Variants in ATP9A observed in about 807,000 individuals in gnomAD.
ATP9A encodes the protein probable phospholipid-transporting ATPase IIA.
ATP9A carries 52 observed loss-of-function variants against 144.1 expected under a neutral mutation model. The observed-to-expected ratio is 0.36, with a 90% CI of 0.29 to 0.45. The LOEUF is 0.45. Ranked by LOEUF, ATP9A falls within the 20% of genes least tolerant of loss-of-function variation. ATP9A has a pLI of 1.00. For missense variants in ATP9A, 947 were observed against 1,392.7 expected, an observed-to-expected ratio of 0.68 and a Z score of 5.09; for synonymous variants, 582 against 557.4, an observed-to-expected ratio of 1.04 and a Z score of -0.62.
At chr20:51,734,289 G>C (rs2077754289) in intron 1 of ATP9A, among the ~76,000 whole-genome samples, 1 of 151,990 alleles carries the variant, frequency 6.6e-6, no homozygotes, top group Non-Finnish European at 1.5e-5. Context: ...AGCCCCTCCT[G>C]CCTCTTTTAT....
Position 51,645,204 on chromosome 20 carries a change from C to G in ATP9A, c.1507-5700G>C, listed in dbSNP as rs188752001. 1.9e-3 allele frequency among the ~76,000 whole-genome samples: 292 copies of G among 152,314 alleles called. 3 individuals carry two copies. Among genetic ancestry groups the G allele is most frequent in the African/African-American group, 6.6e-3 (276 of 41,578 alleles). The stretch of plus-strand genomic sequence containing the variant: ...CTATATCTGTAGCCCTTCCCCACCC[C>G]TGGGATCCACCATCCTAATCAAAAC... On this transcript the variant is annotated intron_variant, in intron 14 of 27. Coordinates refer to ENST00000338821, the MANE Select transcript of ATP9A (RefSeq NM_006045.3).
At chr20:51,635,802 G>GAGGAAGGAAGGAAGGAAGGAAGGA (rs1555830936) in intron 15 of ATP9A, among the ~76,000 whole-genome samples, 468 of 46,680 alleles carry the variant, frequency 0.01, 14 homozygotes, top group African/African-American at 0.021. Flanking sequence ...AGGAGGGGAG[G>GAGGAAGGAAGGAAGGAAGGAAGGA]AGGAAGGAAG....
chr20:51,710,620 C>T (rs965152976), intron 4 of ATP9A, among the ~76,000 whole-genome samples: 1 of 152,156 alleles, frequency 6.6e-6, no homozygotes, highest in African/African-American at 2.4e-5. Flanking sequence ...CAAACTGCAG[C>T]GCTAGGGTCT....
chr20:51,660,570 T>C (rs928559986), intron 13 of ATP9A, among the ~76,000 whole-genome samples: 5 of 152,246 alleles, frequency 3.3e-5, no homozygotes, highest in African/African-American at 1.2e-4. Flanking sequence ...AATTAATACT[T>C]TCCCACCTTT....
intron 14 of ATP9A, among the ~76,000 whole-genome samples, chr20:51,641,731 T>C (rs2077320033): frequency 6.8e-6 from 1 of 147,362 alleles, no homozygotes. Flanking sequence ...CCAGGGAGGC[T>C]GAGGCAGGAG....
intron 1 of ATP9A, among the ~76,000 whole-genome samples, chr20:51,744,199 T>A (rs574479001): frequency 6.6e-6 from 1 of 152,252 alleles, no homozygotes; most frequent in East Asian, 1.9e-4. Context: ...AGGGTCTCAC[T>A]CTGTCACCCA....
Position 51,685,988 on chromosome 20 carries a change from T to C in ATP9A, c.799+3076A>G, listed in dbSNP as rs1205077186. Among the ~76,000 whole-genome samples the C allele has an allele frequency of 5.9e-5, 9 of 152,314 alleles. No individual in the cohort carries two copies. The East Asian group carries it at 1.7e-3, about 29-fold the overall frequency. ...ACCCAAATGTCCATCAATGATAGACTGGATTAAGAAAACGAATAGAATACT... is the reference window on the plus strand; with the variant it reads ...ACCCAAATGTCCATCAATGATAGACCGGATTAAGAAAACGAATAGAATACT... On this transcript the variant is annotated intron_variant, in intron 9 of 27. Coordinates refer to ENST00000338821, the MANE Select transcript of ATP9A (RefSeq NM_006045.3).
chr20:51,688,131 T>C (rs1007704483), intron 9 of ATP9A, among the ~76,000 whole-genome samples: 2 of 152,156 alleles, frequency 1.3e-5, no homozygotes, highest in East Asian at 1.9e-4. Flanking sequence ...ATATGAATAA[T>C]AGTATCTACC....
rs116166644 is a variant in ATP9A at position 51,741,682 on chromosome 20, T to C, written c.69-11704A>G. On this transcript the variant is annotated intron_variant, in intron 1 of 27. Coordinates refer to ENST00000338821, the MANE Select transcript of ATP9A (RefSeq NM_006045.3). ...CAGCCATTTTCATACACACATGGGA[T>C]TTCTATGATCTCCAAATACCTCTAG... Among the ~76,000 whole-genome samples, 1,431 of 152,284 alleles carry C rather than the reference T, an allele frequency of 9.4e-3. 18 individuals are homozygous for C. Among genetic ancestry groups the C allele is most frequent in the African/African-American group, 0.032 (1,345 of 41,560 alleles).
intron 15 of ATP9A, among the ~76,000 whole-genome samples, chr20:51,638,290 A>T (rs1423262466): frequency 9.6e-6 from 1 of 103,810 alleles, no homozygotes; most frequent in South Asian, 3.9e-4. Flanking sequence ...CTCATTTGTC[A>T]AGGAAAAAAA....
intron 14 of ATP9A, among the ~76,000 whole-genome samples, chr20:51,645,706 C>T (rs1041288887): frequency 6.6e-6 from 1 of 152,150 alleles, no homozygotes; most frequent in Non-Finnish European, 1.5e-5. Context: ...CCCCCAGAGT[C>T]CTACTCAGGG....
intron 13 of ATP9A, among the ~76,000 whole-genome samples, chr20:51,668,510 G>A (rs189390189): frequency 2.6e-5 from 4 of 152,104 alleles, no homozygotes; most frequent in South Asian, 2.1e-4. Flanking sequence ...GGGGCCATCC[G>A]GGGAACAACA....
chr20:51,706,364 TA>T (rs1298821552), intron 4 of ATP9A, among the ~76,000 whole-genome samples: 1 of 152,212 alleles, frequency 6.6e-6, no homozygotes, highest in Non-Finnish European at 1.5e-5. Flanking sequence ...TCTATTTTGT[TA>T]TAGGGGCCTC....
intron 11 of ATP9A, among the ~76,000 whole-genome samples, chr20:51,672,152 G>A (rs2077458934): frequency 6.6e-6 from 1 of 152,032 alleles, no homozygotes; most frequent in Non-Finnish European, 1.5e-5. Flanking sequence ...CACTTTTTCT[G>A]ACTTTTGGGG....
intron 27 of ATP9A, among the ~76,000 whole-genome samples, chr20:51,601,579 A>G (rs1367967006): frequency 6.6e-6 from 1 of 152,218 alleles, no homozygotes; most frequent in Non-Finnish European, 1.5e-5. Context: ...GCTTCCTGAC[A>G]GTGAAATGCT....
At chr20:51,712,276 A>G (rs533682760) in intron 4 of ATP9A, among the ~76,000 whole-genome samples, 65 of 152,112 alleles carry the variant, frequency 4.3e-4, no homozygotes, top group South Asian at 2.3e-3. Flanking sequence ...GGGTTTCACC[A>G]TGTTAGCCAG....
intron 1 of ATP9A, among the ~76,000 whole-genome samples, chr20:51,752,684 GTGCT>G (rs1158893653): frequency 2.0e-5 from 3 of 152,196 alleles, no homozygotes; most frequent in Non-Finnish European, 4.4e-5. Context: ...GCATTTTTGA[GTGCT>G]TCTTTGTTGG....
In ATP9A at chr20:51,730,764, T is replaced by C. The variant is rs1161738880; in HGVS notation, c.69-786A>G. On this transcript the variant is annotated intron_variant, in intron 1 of 27. Coordinates refer to ENST00000338821, the MANE Select transcript of ATP9A (RefSeq NM_006045.3). Reference sequence around the variant, plus strand: ...ACTTGTGTCTCTAAACATATCTACATATAGAAAAAATACAGTAAAAATACA... The same window carrying C: ...ACTTGTGTCTCTAAACATATCTACACATAGAAAAAATACAGTAAAAATACA... 2.0e-5 allele frequency among the ~76,000 whole-genome samples: 3 copies of C among 152,174 alleles called. No homozygotes were observed. The East Asian group carries it at 5.8e-4, about 29-fold the overall frequency.
chr20:51,689,111 C>G lies in ATP9A; in HGVS notation c.752G>C (p.Ser251Thr). Residue 251 changes from serine to threonine, a missense_variant, in exon 9 of 28, where the codon AGC becomes ACC. Ser to Thr is a moderately conservative substitution (Grantham distance 58). Coordinates refer to ENST00000338821, the MANE Select transcript of ATP9A (RefSeq NM_006045.3). ...CCACAGCGTGTTCTCTATGCTCAGG[C>G]TCTCGCTGATCGGGGGGTCGCTGTC... ...REDSDPPISESLSIENTLWAG... is the reference protein window; with the variant it reads ...REDSDPPISETLSIENTLWAG... 6.2e-7 allele frequency: 1 copy of G among 1,614,104 alleles called. No homozygotes were observed. The highest frequency in any genetic ancestry group is 8.5e-7 in the Non-Finnish European group (1 of 1,180,030).
Sources: allele counts gnomAD v4.1 joint callset (sites outside exome capture counted in the v4.1 genomes callset), GRCh38; gene constraint gnomAD v4.1.1; transcripts MANE v1.5; gene names NCBI Gene and HGNC (gene_info 2026-07-23, HGNC 2026-07-21).